The following CHL1 variants were observed in gnomAD, a reference collection of about 807,000 sequenced individuals.
The protein encoded by CHL1 is cell adhesion molecule L1 like.
Under a neutral mutation model 141.9 loss-of-function variants are expected in CHL1, and 96 were observed. The observed-to-expected ratio is 0.68, with a 90% CI of 0.57 to 0.80. CHL1 has a LOEUF of 0.80. Among genes scored for constraint, CHL1 ranks in the 30% least tolerant of loss-of-function variants. The pLI, the probability that CHL1 is intolerant of heterozygous loss-of-function variation, is 0.00. For missense variants in CHL1, 1,820 were observed against 1,457.2 expected (o/e 1.25, Z -4.05); for synonymous variants, 613 against 502.2 (o/e 1.22, Z -2.95).
At chr3:400,823 A>G (rs1318086652) in intron 26 of CHL1, among the ~76,000 whole-genome samples, 1 of 151,628 alleles carries the variant, frequency 6.6e-6, no homozygotes, top group East Asian at 1.9e-4. Context: ...ATAAAATAAA[A>G]TGTCAGTGGA....
At chr3:404,176 G>A (rs1245676112) in intron 27 of CHL1, among the ~76,000 whole-genome samples, 3 of 152,106 alleles carry the variant, frequency 2.0e-5, no homozygotes, top group African/African-American at 7.2e-5. Context: ...ACTGAGCACT[G>A]GCTTTAAATC....
intron 15 of CHL1, among the ~76,000 whole-genome samples, chr3:372,337 A>G (rs1033676827): frequency 1.3e-5 from 2 of 152,060 alleles, no homozygotes; most frequent in South Asian, 4.2e-4. Context: ...TCTTGTCTGC[A>G]CACTGTATTT....
chr3:340,893 T>C lies in CHL1; in HGVS notation c.485T>C (p.Leu162Ser), dbSNP rs1203429083. Reference sequence around the variant, plus strand: ...AATCCTCCCAAAGGCCTCCCACCTTTACACATTTATTGGATGAATATTGGT... The same window carrying C: ...AATCCTCCCAAAGGCCTCCCACCTTCACACATTTATTGGATGAATATTGGT... ...PCNPPKGLPP[L>S]HIYWMNIELE... The change falls in exon 6 of 28, where the codon TTA becomes TCA. Residue 162 changes from leucine (L) to serine (S), a missense_variant. Physicochemically the swap from Leu to Ser is moderately radical, Grantham distance 145 (BLOSUM62 -2). Coordinates refer to ENST00000256509, the MANE Select transcript of CHL1 (RefSeq NM_006614.4). 1.2e-6 allele frequency: 2 copies of C among 1,612,814 alleles called. No homozygotes were observed. Among genetic ancestry groups the C allele is most frequent in the African/African-American group, 2.7e-5 (2 of 74,886 alleles).
chr3:280,703 C>A (rs1227012978), intron 2 of CHL1, among the ~76,000 whole-genome samples: 1 of 152,010 alleles, frequency 6.6e-6, no homozygotes, highest in Non-Finnish European at 1.5e-5. Context: ...AACAAAATAC[C>A]TTTTTCTCTG....
At chr3:341,040 A>G (rs1164923549) in intron 6 of CHL1, 124 bp downstream of exon 6, 3 of 977,230 alleles carry the variant, frequency 3.1e-6, no homozygotes, top group Non-Finnish European at 4.5e-6. Context: ...ATATTTGAAG[A>G]GGAGATGCTA....
chr3:215,717 G>C (rs1325937903), intron 1 of CHL1, among the ~76,000 whole-genome samples: 1 of 150,486 alleles, frequency 6.6e-6, no homozygotes, highest in African/African-American at 2.4e-5. Flanking sequence ...CTTTTTTTTT[G>C]CATTACAAAG....
At chr3:375,212 G>C (rs1408905223) in intron 15 of CHL1, among the ~76,000 whole-genome samples, 2 of 152,154 alleles carry the variant, frequency 1.3e-5, no homozygotes, top group African/African-American at 2.4e-5. Context: ...AAATGAAATG[G>C]AGCATGGCTA....
At chr3:201,272 G>T (rs1698908482) in intron 1 of CHL1, among the ~76,000 whole-genome samples, 2 of 152,194 alleles carry the variant, frequency 1.3e-5, no homozygotes, top group African/African-American at 2.4e-5. Flanking sequence ...TTTTAAGTCA[G>T]TGCACAAATA....
intron 2 of CHL1, among the ~76,000 whole-genome samples, chr3:265,702 G>A (rs532341275): frequency 6.6e-6 from 1 of 152,302 alleles, no homozygotes; most frequent in African/African-American, 2.4e-5. Flanking sequence ...ATGGGTGGGA[G>A]ATGTCAGAAT....
intron 2 of CHL1, among the ~76,000 whole-genome samples, chr3:299,739 G>T (rs1402339340): frequency 6.6e-6 from 1 of 152,086 alleles, no homozygotes. Flanking sequence ...CTTGCACATT[G>T]TTCTCACCTG....
At chr3:378,041 C>G in intron 16 of CHL1, 99 bp downstream of exon 16, 1 of 1,045,766 alleles carries the variant, frequency 9.6e-7, no homozygotes. Context: ...TGAGCCCCTG[C>G]ACATATATTG....
intron 15 of CHL1, among the ~76,000 whole-genome samples, chr3:377,104 T>G (rs114036868): frequency 0.016 from 2,367 of 152,244 alleles, 49 homozygotes; most frequent in African/African-American, 0.054. Flanking sequence ...ACTTGAAAAA[T>G]ACTTTAATAG....
intron 2 of CHL1, among the ~76,000 whole-genome samples, chr3:269,386 G>A (rs954480857): frequency 4.6e-5 from 7 of 152,142 alleles, no homozygotes; most frequent in South Asian, 2.1e-4. Flanking sequence ...ATGAACTTCC[G>A]AATCTGTTTC....
intron 2 of CHL1, among the ~76,000 whole-genome samples, chr3:269,277 A>G (rs1388445099): frequency 6.6e-6 from 1 of 152,160 alleles, no homozygotes; most frequent in Non-Finnish European, 1.5e-5. Flanking sequence ...TTCTCATCTC[A>G]AGTCAAGTGA....
chr3:226,527 G>A (rs185139728), intron 1 of CHL1, among the ~76,000 whole-genome samples: 137 of 151,338 alleles, frequency 9.1e-4, no homozygotes, highest in Non-Finnish European at 1.6e-3. Flanking sequence ...CTGCATCACC[G>A]CAACCTCCAA....
chr3:259,106 A>G (rs1317538283), intron 2 of CHL1, among the ~76,000 whole-genome samples: 2 of 151,034 alleles, frequency 1.3e-5, no homozygotes, highest in Non-Finnish European at 2.9e-5. Context: ...TCTTTTTTTT[A>G]GAGAGAGAAT....
rs544126872 is a variant in CHL1, at chr3:390,959, A to T, written c.2591A>T (p.Asn864Ile). The T allele has an allele frequency of 6.2e-7, 1 of 1,613,470 alleles. No individual in the cohort carries two copies. Among genetic ancestry groups the T allele is most frequent in the East Asian group, 2.2e-5 (1 of 44,866 alleles). The change falls in exon 22 of 28, where the codon AAT becomes ATT. Residue 864 changes from asparagine (N) to isoleucine (I), a missense_variant. Asn to Ile is a moderately radical substitution (Grantham distance 149). Coordinates refer to ENST00000256509, the MANE Select transcript of CHL1 (RefSeq NM_006614.4). ...AGATTTTGGTTTTCATTGCAGATAA[A>T]TTGGTGGAAAACAAAAAGTCTGTTG... is the stretch of plus-strand genomic sequence containing the variant. Reference protein sequence around the residue: ...VHGRLKGYQINWWKTKSLLDG... With the variant: ...VHGRLKGYQIIWWKTKSLLDG...
At chr3:281,051 A>G (rs1225986280) in intron 2 of CHL1, among the ~76,000 whole-genome samples, 1 of 152,016 alleles carries the variant, frequency 6.6e-6, no homozygotes, top group African/African-American at 2.4e-5. Context: ...CAATGTCTAG[A>G]TACATTTTTT....
At chr3:310,848 G>C (rs1479014387) in intron 2 of CHL1, among the ~76,000 whole-genome samples, 1 of 152,178 alleles carries the variant, frequency 6.6e-6, no homozygotes, top group African/African-American at 2.4e-5. Flanking sequence ...ATCATACAAA[G>C]TAGTTTCACT....
Sources: allele counts gnomAD v4.1 joint callset (sites outside exome capture counted in the v4.1 genomes callset), GRCh38; gene constraint gnomAD v4.1.1; transcripts MANE v1.5; gene names NCBI Gene and HGNC (gene_info 2026-07-23, HGNC 2026-07-21).